Variants in KIAA1549L observed in about 807,000 individuals in gnomAD.
KIAA1549L encodes the protein UPF0606 protein KIAA1549L.
KIAA1549L carries 88 observed loss-of-function variants against 160.7 expected under a neutral mutation model. The ratio of observed to expected loss-of-function variants is 0.55; its 90% CI spans 0.46 to 0.65. KIAA1549L has a LOEUF of 0.65. KIAA1549L is among the 30% of genes least tolerant of loss of function. The pLI, the probability that KIAA1549L is intolerant of heterozygous loss-of-function variation, is 0.00. For synonymous variants in KIAA1549L, 950 were observed against 976.7 expected, an observed-to-expected ratio of 0.97 and a Z score of 0.51; for missense variants, 2,258 against 2,437.5, an observed-to-expected ratio of 0.93 and a Z score of 1.55.
intron 1 of KIAA1549L, among the ~76,000 whole-genome samples, chr11:33,419,351 C>G (rs1029494052): frequency 5.9e-5 from 9 of 152,130 alleles, no homozygotes; most frequent in Non-Finnish European, 7.3e-5. Context: ...ATCAGCCAAT[C>G]TTTATACTTG....
intron 15 of KIAA1549L, among the ~76,000 whole-genome samples, chr11:33,614,566 ATATATATATATATATATATTTTTTTTTTT>A (rs1850749175): frequency 1.4e-4 from 2 of 13,972 alleles, no homozygotes; most frequent in African/African-American, 1.4e-3. Flanking sequence ...ATATATATAT[ATATATATATATATATATATTTTTTTTTTT>A]TTTTTTTTTT....
intron 1 of KIAA1549L, among the ~76,000 whole-genome samples, chr11:33,505,797 A>G (rs1853071255): frequency 6.6e-6 from 1 of 152,196 alleles, no homozygotes; most frequent in Admixed American, 6.5e-5. Context: ...TTTTATGGCC[A>G]GATTTTTGGC....
intron 1 of KIAA1549L, among the ~76,000 whole-genome samples, chr11:33,499,535 T>C (rs1415365931): frequency 6.6e-6 from 1 of 152,180 alleles, no homozygotes; most frequent in Non-Finnish European, 1.5e-5. Flanking sequence ...TAGTTGTTGA[T>C]TGAGTGGGTG....
intron 1 of KIAA1549L, among the ~76,000 whole-genome samples, chr11:33,388,569 T>C (rs1284745969): frequency 6.6e-6 from 1 of 152,188 alleles, no homozygotes; most frequent in African/African-American, 2.4e-5. Flanking sequence ...TTAATTTTTT[T>C]TTAAGATATA....
chr11:33,430,752 G>T (rs940804710), intron 1 of KIAA1549L, among the ~76,000 whole-genome samples: 1 of 152,204 alleles, frequency 6.6e-6, no homozygotes, highest in Non-Finnish European at 1.5e-5. Flanking sequence ...CCTGTCAGAA[G>T]CAGCCCTGGG....
intron 18 of KIAA1549L, among the ~76,000 whole-genome samples, chr11:33,656,367 G>A (rs1202934907): frequency 3.3e-5 from 5 of 152,128 alleles, no homozygotes; most frequent in South Asian, 4.2e-4. Context: ...CCCATACCTG[G>A]AAAGCCTCAG....
chr11:33,545,002 C>A lies in KIAA1549L; in HGVS notation c.3009C>A (p.Ala1003=), dbSNP rs372716902. The A allele has an allele frequency of 1.9e-6, 3 of 1,613,898 alleles. No homozygotes were observed. The highest frequency in any genetic ancestry group is 2.2e-5 in the South Asian group (2 of 91,088). The change falls in exon 3 of 21, where the codon GCC becomes GCA. Residue 1003 remains alanine, a synonymous_variant. Transcript: ENST00000658780. ...GGACACCAGGGGCAGTCCATACAGC[C>A]TTCCCATTCACACCAACCTACATGT... ...PKRTPGAVHT[A]FPFTPTYMYA...
At position 33,544,231 on chromosome 11, in the gene KIAA1549L, A is replaced by G; in HGVS notation, c.2668A>G (p.Ile890Val). 1.2e-6 allele frequency: 2 copies of G among 1,614,022 alleles called. No homozygotes were observed. The highest frequency in any genetic ancestry group is 1.7e-6 in the Non-Finnish European group (2 of 1,179,874). ...AAATGCTTCCACACCATTCCAGAAC[A>G]TCTTGGGATATCACTCTGCTGCTGA... ...ERNASTPFQN[I>V]LGYHSAAESS... Residue 890 changes from isoleucine (I) to valine (V), a missense_variant, in exon 2 of 21, where the codon ATC (isoleucine) becomes GTC (valine). Physicochemically the swap from Ile to Val is conservative, Grantham distance 29. Around this residue, in one of 6 missense-constraint regions of KIAA1549L, gnomAD observed 287 missense variants for 292.3 expected, o/e 0.98. Transcript: ENST00000658780.
intron 15 of KIAA1549L, 133 bp downstream of exon 15, chr11:33,610,099 C>T (rs569558400): frequency 5.4e-5 from 36 of 669,656 alleles, no homozygotes; most frequent in Admixed American, 1.7e-4. Context: ...ATTTGTACCA[C>T]GCTGGTCTGT....
chr11:33,429,677 G>C (rs192276238), intron 1 of KIAA1549L, among the ~76,000 whole-genome samples: 1 of 152,214 alleles, frequency 6.6e-6, no homozygotes, highest in East Asian at 1.9e-4. Context: ...GTTCAGCCTA[G>C]ACCTCTTTCC....
At chr11:33,554,112 C>T (rs1854564841) in intron 6 of KIAA1549L, among the ~76,000 whole-genome samples, 1 of 152,092 alleles carries the variant, frequency 6.6e-6, no homozygotes, top group Non-Finnish European at 1.5e-5. Flanking sequence ...CCCTCAGGGC[C>T]CCTATATTAT....
intron 1 of KIAA1549L, among the ~76,000 whole-genome samples, chr11:33,486,357 G>T (rs78462635): frequency 0.027 from 4,049 of 152,242 alleles, 123 homozygotes; most frequent in South Asian, 0.088. Context: ...TATATCCAGA[G>T]AATCTGTGTC....
Position 33,668,049 on chromosome 11 carries a change from C to G in KIAA1549L, c.6336C>G (p.Asp2112Glu). The G allele has an allele frequency of 6.2e-7, 1 of 1,614,030 alleles. No homozygotes were observed. Among genetic ancestry groups the G allele is most frequent in the Non-Finnish European group, 8.5e-7 (1 of 1,179,904 alleles). The part of the protein sequence containing the change: ...QQSLAENDPS[D>E]APLTNISTAA... ...GCCTGGCAGAAAACGACCCGTCTGA[C>G]GCTCCCCTGACCAACATCTCCACTG... The change falls in exon 21 of 21, where the codon GAC becomes GAG. Residue 2112 changes from aspartate to glutamate, a missense_variant. Asp to Glu is a conservative substitution (Grantham distance 45, BLOSUM62 2). Coordinates refer to ENST00000658780, the MANE Select transcript of KIAA1549L (RefSeq NM_012194.3).
At chr11:33,468,955 G>A (rs1590268146) in intron 1 of KIAA1549L, among the ~76,000 whole-genome samples, 1 of 152,082 alleles carries the variant, frequency 6.6e-6, no homozygotes, top group Non-Finnish European at 1.5e-5. Context: ...AATGGACTCA[G>A]GACTTCGTTG....
intron 1 of KIAA1549L, among the ~76,000 whole-genome samples, chr11:33,409,768 T>A (rs1027202736): frequency 5.5e-5 from 1 of 18,184 alleles, no homozygotes; most frequent in Admixed American, 5.6e-4. Context: ...TCTCACCTCT[T>A]TTTTTTTTTT....
chr11:33,436,496 T>A (rs867512723), intron 1 of KIAA1549L, among the ~76,000 whole-genome samples: 1 of 152,234 alleles, frequency 6.6e-6, no homozygotes, highest in African/African-American at 2.4e-5. Context: ...GAGGGCAGTC[T>A]GCTTTATTTG....
intron 1 of KIAA1549L, among the ~76,000 whole-genome samples, chr11:33,433,085 G>T (rs1202711166): frequency 6.6e-6 from 1 of 152,142 alleles, no homozygotes; most frequent in Non-Finnish European, 1.5e-5. Flanking sequence ...TTGACAAATG[G>T]GATCTAATTA....
At chr11:33,487,475 T>G (rs1481594599) in intron 1 of KIAA1549L, among the ~76,000 whole-genome samples, 1 of 151,520 alleles carries the variant, frequency 6.6e-6, no homozygotes, top group Non-Finnish European at 1.5e-5. Flanking sequence ...CTTGAATGTT[T>G]GTTGAATGAC....
intron 1 of KIAA1549L, among the ~76,000 whole-genome samples, chr11:33,465,381 C>T (rs756271782): frequency 1.6e-4 from 24 of 152,018 alleles, no homozygotes; most frequent in Non-Finnish European, 2.9e-4. Flanking sequence ...CTTCCTTCAC[C>T]GTCACCTCTT....
Sources: gnomAD v4.1 joint callset for allele counts (sites outside exome capture counted in the v4.1 genomes callset) on GRCh38, gnomAD v4.1.1 for gene constraint, gnomAD v4.1.1 regional missense constraint, MANE v1.5 for transcripts, NCBI Gene and HGNC (gene_info 2026-07-23, HGNC 2026-07-21) for gene names.